Variants in CEP112 observed in about 807,000 individuals in gnomAD.
CEP112 encodes centrosomal protein of 112 kDa.
Under a neutral mutation model 153.0 loss-of-function variants are expected in CEP112, and 127 were observed. The observed-to-expected ratio is 0.83, with a 90% CI of 0.72 to 0.96. The LOEUF is 0.96. CEP112 is among the 40% of genes least tolerant of loss of function. The pLI is 0.00. For synonymous variants in CEP112, 358 were observed against 374.4 expected (o/e 0.96, Z 0.51); for missense variants, 1,089 against 1,101.2 (o/e 0.99, Z 0.16).
intron 14 of CEP112, 124 bp from the exon 15 acceptor site, chr17:66,028,529 A>T: frequency 2.3e-6 from 1 of 439,404 alleles, no homozygotes; most frequent in Non-Finnish European, 4.0e-6. Flanking sequence ...ATTATCTAGA[A>T]ATTTGAATGA....
intron 17 of CEP112, among the ~76,000 whole-genome samples, chr17:65,965,014 T>C (rs2062358798): frequency 6.6e-6 from 1 of 152,180 alleles, no homozygotes; most frequent in African/African-American, 2.4e-5. Context: ...ATATGACCTA[T>C]AGCTGAAATA....
At chr17:65,661,680 A>C (rs114527234) in intron 24 of CEP112, 40 of 152,270 alleles carry the variant, frequency 2.6e-4, no homozygotes, top group African/African-American at 9.4e-4. Context: ...TATTCTTTTG[A>C]AGTTTGAGAC....
chr17:65,970,391 T>A, intron 17 of CEP112, among the ~76,000 whole-genome samples: 2 of 56,488 alleles, frequency 3.5e-5, no homozygotes, highest in African/African-American at 9.7e-5. Context: ...GCATATATAT[T>A]ACATGCATGC....
intron 21 of CEP112, among the ~76,000 whole-genome samples, chr17:65,808,498 C>T (rs2055748243): frequency 6.6e-6 from 1 of 152,124 alleles, no homozygotes; most frequent in Admixed American, 6.6e-5. Context: ...GTGTCCCCAA[C>T]CAAATTTCAT....
intron 11 of CEP112, among the ~76,000 whole-genome samples, chr17:66,054,528 C>T (rs10853074): frequency 0.41 from 62,164 of 151,688 alleles, 14,138 homozygotes; most frequent in East Asian, 0.87. Context: ...TCTACACAAA[C>T]TAAGGTAAGG....
intron 24 of CEP112, among the ~76,000 whole-genome samples, chr17:65,670,940 T>G (rs1331279454): frequency 6.6e-6 from 1 of 151,966 alleles, no homozygotes; most frequent in Non-Finnish European, 1.5e-5. Flanking sequence ...TACAGATAAC[T>G]GGGGAATCAA....
chr17:65,651,692 TCC>T (rs2045788465), intron 24 of CEP112, among the ~76,000 whole-genome samples: 1 of 151,764 alleles, frequency 6.6e-6, no homozygotes, highest in African/African-American at 2.4e-5. Flanking sequence ...CTTCTTTCCT[TCC>T]TTCCTTCCTT....
intron 17 of CEP112, among the ~76,000 whole-genome samples, chr17:65,963,655 A>C (rs369239347): frequency 1.4e-4 from 21 of 147,558 alleles, no homozygotes; most frequent in Middle Eastern, 3.5e-3. Flanking sequence ...ATATCGATAT[A>C]GATATAGATA....
chr17:66,153,769 G>A (rs1442084766), intron 4 of CEP112, among the ~76,000 whole-genome samples: 1 of 152,044 alleles, frequency 6.6e-6, no homozygotes, highest in African/African-American at 2.4e-5. Context: ...TAAAGCTACA[G>A]TATTAAGGCA....
At chr17:65,877,447 C>T (rs994499148) in intron 20 of CEP112, among the ~76,000 whole-genome samples, 1 of 152,208 alleles carries the variant, frequency 6.6e-6, no homozygotes, top group Non-Finnish European at 1.5e-5. Flanking sequence ...GGAATGGAGT[C>T]TCCCTTACTC....
intron 23 of CEP112, among the ~76,000 whole-genome samples, chr17:65,733,686 T>C (rs2050640128): frequency 6.6e-6 from 1 of 152,210 alleles, no homozygotes; most frequent in South Asian, 2.1e-4. Context: ...TAAAATGACA[T>C]GAGAATAAAT....
At chr17:65,691,198 G>A (rs546827236) in intron 23 of CEP112, among the ~76,000 whole-genome samples, 1 of 152,202 alleles carries the variant, frequency 6.6e-6, no homozygotes, top group South Asian at 2.1e-4. Flanking sequence ...AGCCTCAGTT[G>A]GCTTCAGTTT....
chr17:65,998,431 G>A (rs1389099708), intron 17 of CEP112, among the ~76,000 whole-genome samples: 1 of 148,198 alleles, frequency 6.7e-6, no homozygotes, highest in Non-Finnish European at 1.5e-5. Flanking sequence ...TTGAACTGTG[G>A]TGATGGTTAC....
At chr17:65,989,077 AT>A (rs745887880) in intron 17 of CEP112, among the ~76,000 whole-genome samples, 48 of 151,302 alleles carry the variant, frequency 3.2e-4, no homozygotes, top group Middle Eastern at 3.4e-3. Flanking sequence ...ATACAAAAAA[AT>A]TAAAAAAAAA....
At chr17:65,722,122 G>A (rs2049921353) in intron 23 of CEP112, among the ~76,000 whole-genome samples, 1 of 152,214 alleles carries the variant, frequency 6.6e-6, no homozygotes, top group African/African-American at 2.4e-5. Context: ...CTGGATTTGA[G>A]ACTTGGTGTT....
intron 4 of CEP112, among the ~76,000 whole-genome samples, chr17:66,151,910 T>A (rs531664665): frequency 1.9e-3 from 282 of 152,220 alleles, no homozygotes; most frequent in African/African-American, 6.2e-3. Context: ...TAAAAAATTT[T>A]AAAAAAATTA....
intron 18 of CEP112, among the ~76,000 whole-genome samples, chr17:65,945,210 T>C (rs1005402005): frequency 1.8e-4 from 27 of 152,226 alleles, no homozygotes; most frequent in Admixed American, 9.2e-4. Flanking sequence ...TAGGTAGATT[T>C]GTAGACTCTT....
rs751505996 is a variant in CEP112, at chr17:65,852,026, G to A, written c.2172C>T (p.Ala724=). ...EFKKRDAQVI[A]DMEAQVHKLR... ...ACTTGTGAACCTGGGCCTCCATGTC[G>A]GCAATAACCTTGTTTTTAAAAATGG... The change falls in exon 21 of 27, where the codon GCC becomes GCT. Residue 724 remains alanine, a synonymous_variant. Transcript: ENST00000535342. The A allele has an allele frequency of 4.7e-5, 76 of 1,601,244 alleles. No homozygotes were observed. Among genetic ancestry groups the A allele is most frequent in the Non-Finnish European group, 5.9e-5 (69 of 1,176,354 alleles).
chr17:66,079,352 TAA>T (rs1424470019), intron 8 of CEP112, among the ~76,000 whole-genome samples: 1 of 152,110 alleles, frequency 6.6e-6, no homozygotes, highest in African/African-American at 2.4e-5. Flanking sequence ...AAAATTAGAA[TAA>T]AGTTTATCAA....
Sources: gnomAD v4.1 joint callset for allele counts (sites outside exome capture counted in the v4.1 genomes callset) on GRCh38, gnomAD v4.1.1 for gene constraint, MANE v1.5 for transcripts, NCBI Gene and HGNC (gene_info 2026-07-23, HGNC 2026-07-21) for gene names.